Variants in CACNA1I observed in about 807,000 individuals in gnomAD.
CACNA1I encodes calcium voltage-gated channel subunit alpha1 I, also known as voltage-dependent T-type calcium channel subunit alpha-1I.
CACNA1I carries 74 observed loss-of-function variants against 201.6 expected under a neutral mutation model. The observed-to-expected ratio is 0.37, with a 90% CI of 0.30 to 0.45. CACNA1I has a LOEUF of 0.45. CACNA1I is among the 20% of genes least tolerant of loss of function. The pLI is 1.00. For synonymous variants in CACNA1I, 1,431 were observed against 1,345.2 expected (o/e 1.06, Z -1.40); for missense variants, 2,346 against 3,138.1 (o/e 0.75, Z 6.03).
In CACNA1I at chr22:39,570,905, C is replaced by G; in HGVS notation, c.153C>G (p.His51Gln). 1 of 1,613,914 alleles carries G rather than the reference C, an allele frequency of 6.2e-7. No homozygotes were observed. Among genetic ancestry groups the G allele is most frequent in the Non-Finnish European group, 8.5e-7 (1 of 1,179,882 alleles). Residue 51 changes from histidine to glutamine, a missense_variant, in exon 1 of 37, where the codon CAC becomes CAG. By Grantham distance (24) the His-to-Gln change is conservative. Transcript: ENST00000402142. Reference sequence around the variant, plus strand: ...ATGGAGCTGATCCTCATGTCCCACACCCAGACCTGGCGCCTATTGCCTTCT... The same window carrying G: ...ATGGAGCTGATCCTCATGTCCCACAGCCAGACCTGGCGCCTATTGCCTTCT... ...PLDGADPHVP[H>Q]PDLAPIAFFC...
At chr22:39,587,926 C>T (rs1055616172) in intron 1 of CACNA1I, among the ~76,000 whole-genome samples, 1 of 151,848 alleles carries the variant, frequency 6.6e-6, no homozygotes, top group African/African-American at 2.4e-5. Context: ...CAGGCATGTG[C>T]CACCATGCCT....
intron 1 of CACNA1I, among the ~76,000 whole-genome samples, chr22:39,575,508 A>C (rs891016012): frequency 1.3e-5 from 2 of 152,130 alleles, no homozygotes; most frequent in Non-Finnish European, 2.9e-5. Context: ...AGATTCAATT[A>C]GACATTGGGG....
chr22:39,587,052 C>T (rs1569048696), intron 1 of CACNA1I, among the ~76,000 whole-genome samples: 2 of 152,194 alleles, frequency 1.3e-5, no homozygotes, highest in Admixed American at 6.5e-5. Flanking sequence ...CAAATCTCTT[C>T]GGCTGGAGCA....
In CACNA1I at chr22:39,688,899, T is replaced by C. The variant is rs1006961737; in HGVS notation, c.*2494T>C. On this transcript the variant is annotated 3_prime_UTR_variant, in exon 37 of 37. Transcript: ENST00000402142. The surrounding 1 kb of genome is among the most constrained non-coding windows in gnomAD (Gnocchi z 4.8). ...GCTCCTTGCAGGGAGCACTGGGAGA[T>C]GGCCTGGCCCGTCCCAGGCTCCTGG... 6.6e-6 allele frequency: 1 copy of C among 152,434 alleles called. No homozygotes were observed. Among genetic ancestry groups the C allele is most frequent in the South Asian group, 2.1e-4 (1 of 4,840 alleles). 9.4% of individuals were successfully genotyped at this position (152,434 alleles called of 1,614,324 possible). A position where few individuals can be genotyped will look rare whatever the true frequency, so the allele number is the denominator to read the frequency against.
chr22:39,658,874 CT>C, intron 11 of CACNA1I, 56 bp from the exon 12 acceptor site: 1 of 1,443,890 alleles, frequency 6.9e-7, no homozygotes, highest in Non-Finnish European at 9.4e-7. Context: ...TCCTCTCCCC[CT>C]GGCCTCCTAC....
At chr22:39,604,285 G>A (rs1333101752) in intron 3 of CACNA1I, among the ~76,000 whole-genome samples, 1 of 152,158 alleles carries the variant, frequency 6.6e-6, no homozygotes, top group Non-Finnish European at 1.5e-5. Context: ...TGAGCAGGGT[G>A]AAGAGCTGCC....
At chr22:39,613,240 C>A (rs1327597311) in intron 3 of CACNA1I, among the ~76,000 whole-genome samples, 1 of 152,042 alleles carries the variant, frequency 6.6e-6, no homozygotes, top group Admixed American at 6.5e-5. Flanking sequence ...GACAAACTCA[C>A]ACAGGGAATC....
intron 4 of CACNA1I, among the ~76,000 whole-genome samples, chr22:39,626,136 T>TC (rs1933893569): frequency 6.6e-6 from 1 of 152,220 alleles, no homozygotes. Context: ...CTCTGTGCTG[T>TC]CAGGCCAGGT....
intron 10 of CACNA1I, chr22:39,656,381 G>A (rs775984218): frequency 7.7e-6 from 4 of 518,608 alleles, no homozygotes; most frequent in Non-Finnish European, 1.5e-5. Context: ...CTGCTCCCTG[G>A]CGCCAGCTCT....
Position 39,642,848 on chromosome 22 carries a change from C to T in CACNA1I, c.1108C>T (p.His370Tyr), listed in dbSNP as rs1934384821. 2 of 1,611,324 alleles carry T rather than the reference C, an allele frequency of 1.2e-6. No individual in the cohort carries two copies. The highest frequency in any genetic ancestry group is 2.2e-5 in the East Asian group (1 of 44,844). ...GATCATGTACTACGTGATGGATGCT[C>T]ACTCCTTCTACAACTTCATCTACTT... Reference protein sequence around the residue: ...VEIMYYVMDAHSFYNFIYFIL... With the variant: ...VEIMYYVMDAYSFYNFIYFIL... The change falls in exon 7 of 37, where the codon CAC (histidine) becomes TAC (tyrosine). Residue 370 changes from histidine to tyrosine, a missense_variant. Transcript: ENST00000402142.
chr22:39,638,159 C>T (rs535291666), intron 5 of CACNA1I, among the ~76,000 whole-genome samples: 3 of 152,170 alleles, frequency 2.0e-5, no homozygotes, highest in African/African-American at 7.2e-5. Context: ...AAGCTGGTCT[C>T]GAACTCCTGA....
intron 20 of CACNA1I, 63 bp from the exon 21 acceptor site, chr22:39,664,676 T>TGGCCCCGCCCACCTGCC (rs1222919407): frequency 4.4e-6 from 3 of 683,896 alleles, no homozygotes; most frequent in East Asian, 7.5e-5. Flanking sequence ...AGAGCCCGGT[T>TGGCCCCGCCCACCTGCC]GGCCCCGCCC....
rs1380511314 is a variant in CACNA1I at position 39,685,733 on chromosome 22, G to A, written c.6028-28G>A. ...TGCTGGGGTGGGGGCCGACACAGGC[G>A]GCCTCCACGGCTCCCACCTCCCCCC... On this transcript the variant is annotated intron_variant, in intron 36 of 36. Coordinates refer to ENST00000402142, the MANE Select transcript of CACNA1I (RefSeq NM_021096.4). This position sits in a 1 kb window ranked among gnomAD's most constrained non-coding sequence, Gnocchi z 5.0. The A allele has an allele frequency of 2.1e-6, 3 of 1,428,094 alleles. No homozygotes were observed. Among genetic ancestry groups the A allele is most frequent in the Non-Finnish European group, 2.7e-6 (3 of 1,100,422 alleles). The allele number at this position is 1,428,094 out of a possible 1,614,324, so 88.5% of individuals were successfully genotyped here.
chr22:39,671,782 C>T (rs1284368995), intron 26 of CACNA1I, among the ~76,000 whole-genome samples: 2 of 152,180 alleles, frequency 1.3e-5, no homozygotes, highest in Admixed American at 6.5e-5. Flanking sequence ...TAATAGCTTA[C>T]ATTTACCAAG....
chr22:39,674,559 A>G (rs1854120201), intron 29 of CACNA1I, among the ~76,000 whole-genome samples: 1 of 152,166 alleles, frequency 6.6e-6, no homozygotes, highest in Admixed American at 6.5e-5. Context: ...AAGTTAGGGA[A>G]GTTGCTCTAC....
chr22:39,642,763 G>T, intron 6 of CACNA1I, 34 bp from the exon 7 acceptor site: 1 of 1,516,738 alleles, frequency 6.6e-7, no homozygotes. Flanking sequence ...TGATGGGCCA[G>T]TCCTCTCGGC....
intron 7 of CACNA1I, among the ~76,000 whole-genome samples, chr22:39,645,238 C>T (rs1044104900): frequency 6.6e-6 from 1 of 152,012 alleles, no homozygotes; most frequent in African/African-American, 2.4e-5. Flanking sequence ...CCACCCACTT[C>T]AGCCTCCCAA....
chr22:39,614,378 G>A (rs9611204), intron 3 of CACNA1I, among the ~76,000 whole-genome samples: 62,098 of 152,106 alleles, frequency 0.41, 13,665 homozygotes, highest in Non-Finnish European at 0.5. Context: ...AGAGCAGAGG[G>A]TAGGTCAGGG....
chr22:39,673,491 T>C (rs1292905042), intron 28 of CACNA1I, among the ~76,000 whole-genome samples: 1 of 152,166 alleles, frequency 6.6e-6, no homozygotes, highest in Non-Finnish European at 1.5e-5. Context: ...GAGATCCTTC[T>C]CCCTCCCCTC....
Sources: allele counts gnomAD v4.1 joint callset (sites outside exome capture counted in the v4.1 genomes callset), GRCh38; gene constraint gnomAD v4.1.1; non-coding constraint Gnocchi (gnomAD v3.1); transcripts MANE v1.5; gene names NCBI Gene and HGNC (gene_info 2026-07-23, HGNC 2026-07-21).